The following ABL2 variants were observed in gnomAD, a reference collection of about 807,000 sequenced individuals.
ABL2 encodes the protein tyrosine-protein kinase ABL2.
Under a neutral mutation model 107.7 loss-of-function variants are expected in ABL2, and 49 were observed. The observed-to-expected ratio is 0.45, with a 90% CI of 0.36 to 0.58. The LOEUF (loss-of-function observed/expected upper bound fraction) is 0.58. Ranked by LOEUF, ABL2 falls within the 20% of genes least tolerant of loss-of-function variation. The pLI is 0.00. For synonymous variants in ABL2, 549 were observed against 548.6 expected (o/e 1.00, Z -0.01); for missense variants, 1,245 against 1,457.0 (o/e 0.85, Z 2.37).
intron 1 of ABL2, among the ~76,000 whole-genome samples, chr1:179,198,223 T>C (rs573741798): frequency 6.8e-6 from 1 of 147,568 alleles, no homozygotes; most frequent in African/African-American, 2.5e-5. Flanking sequence ...ACACTCCTAG[T>C]TTAAAAGAGA....
chr1:179,140,522 G>A lies in ABL2; in HGVS notation c.158-7148C>T, dbSNP rs530984199. ...TGTATCTAAGTCTCCTTGCTAAAAT[G>A]TAAGTTTTATGAGGACCAGGATTGT... On this transcript the variant is annotated intron_variant, in intron 1 of 11. Transcript: ENST00000502732. 2.1e-4 allele frequency among the ~76,000 whole-genome samples: 32 copies of A among 152,230 alleles called. No homozygotes were observed. In the South Asian group the frequency reaches 5.8e-3, roughly 28 times the overall value.
At chr1:179,220,334 T>C (rs1298434732) in intron 1 of ABL2, among the ~76,000 whole-genome samples, 1 of 152,220 alleles carries the variant, frequency 6.6e-6, no homozygotes, top group Non-Finnish European at 1.5e-5. Flanking sequence ...TTCCCTATTT[T>C]GAAAGAGACT....
intron 1 of ABL2, among the ~76,000 whole-genome samples, chr1:179,153,113 T>C (rs1353693465): frequency 6.6e-6 from 1 of 151,814 alleles, no homozygotes; most frequent in African/African-American, 2.4e-5. Context: ...ATGAAAAGAG[T>C]GGCAATAATT....
chr1:179,144,295 C>CA (rs1198680465), intron 1 of ABL2, among the ~76,000 whole-genome samples: 3 of 151,662 alleles, frequency 2.0e-5, no homozygotes, highest in Non-Finnish European at 2.9e-5. Flanking sequence ...CCCACCTCTA[C>CA]AAAAAATACA....
chr1:179,115,633 A>G (rs891698087), intron 8 of ABL2, among the ~76,000 whole-genome samples: 1 of 152,082 alleles, frequency 6.6e-6, no homozygotes, highest in African/African-American at 2.4e-5. Flanking sequence ...TCAAAAAAAG[A>G]TTATATATCC....
intron 3 of ABL2, among the ~76,000 whole-genome samples, chr1:179,129,791 A>G (rs773419217): frequency 3.3e-5 from 5 of 152,144 alleles, no homozygotes; most frequent in African/African-American, 1.2e-4. Context: ...AACATGTATC[A>G]TCCTGTCCCC....
In ABL2 at chr1:179,180,557, G is replaced by A. The variant is rs183604769; in HGVS notation, c.158-47183C>T. On this transcript the variant is annotated intron_variant, in intron 1 of 11. Coordinates refer to ENST00000502732, the MANE Select transcript of ABL2 (RefSeq NM_007314.4). ...AGTGGAATAAAAAGGTCCAGTACCA[G>A]TAGCAGGTAGGAAACAGAAAAGTAA... Among the ~76,000 whole-genome samples the A allele has an allele frequency of 1.1e-3, 169 of 152,302 alleles. 1 individual carries two copies. The highest frequency in any genetic ancestry group is 3.9e-3 in the African/African-American group (162 of 41,568).
intron 1 of ABL2, among the ~76,000 whole-genome samples, chr1:179,140,658 G>A (rs186756695): frequency 1.3e-5 from 2 of 152,286 alleles, no homozygotes; most frequent in Admixed American, 6.5e-5. Flanking sequence ...ACTCACAGAG[G>A]ATGCTATGAG....
chr1:179,208,938 GTAA>G (rs1224839938), intron 1 of ABL2, among the ~76,000 whole-genome samples: 1 of 152,178 alleles, frequency 6.6e-6, no homozygotes, highest in Non-Finnish European at 1.5e-5. Context: ...GCTCAATGAT[GTAA>G]TAATACTACC....
chr1:179,201,976 G>A (rs1040512481), intron 1 of ABL2: 67 of 1,091,060 alleles, frequency 6.1e-5, no homozygotes, highest in East Asian at 2.7e-4. Flanking sequence ...TCAGGGGTCC[G>A]AGGAACAGCA....
chr1:179,183,204 G>C (rs994512545), intron 1 of ABL2, among the ~76,000 whole-genome samples: 3 of 152,072 alleles, frequency 2.0e-5, no homozygotes, highest in Admixed American at 2.0e-4. Context: ...ACAGAGTGTA[G>C]AATAGGACAC....
chr1:179,106,070 T>C lies in ABL2; in HGVS notation c.*1648A>G, dbSNP rs1653454030. The C allele has an allele frequency of 4.6e-6, 1 of 217,002 alleles. No individual in the cohort carries two copies. Among genetic ancestry groups the C allele is most frequent in the South Asian group, 1.9e-4 (1 of 5,376 alleles). The allele number at this position is 217,002 out of a possible 1,614,324, so 13.4% of individuals were successfully genotyped here. On this transcript the variant is annotated 3_prime_UTR_variant, in exon 12 of 12. Coordinates refer to ENST00000502732, the MANE Select transcript of ABL2 (RefSeq NM_007314.4). ...CCAGAAGAAAACTCAGTGCTCAATG[T>C]TGAATTCCTATCTTCCTAAGCTAAT...
intron 7 of ABL2, among the ~76,000 whole-genome samples, chr1:179,117,909 A>T (rs536572615): frequency 1.3e-5 from 2 of 151,844 alleles, no homozygotes; most frequent in South Asian, 4.2e-4. Context: ...TCCTGAGCTC[A>T]AGAGTTCAGG....
At chr1:179,138,898 C>T (rs1027882569) in intron 1 of ABL2, among the ~76,000 whole-genome samples, 1 of 152,232 alleles carries the variant, frequency 6.6e-6, no homozygotes, top group Non-Finnish European at 1.5e-5. Flanking sequence ...GCTGGAGTTC[C>T]GGGTGGGCGT....
chr1:179,165,023 T>G (rs1659298121), intron 1 of ABL2, among the ~76,000 whole-genome samples: 1 of 152,166 alleles, frequency 6.6e-6, no homozygotes, highest in African/African-American at 2.4e-5. Context: ...AGAAGTTAGG[T>G]GAATGTGATC....
At chr1:179,229,208 C>CCCCCCCCCCCCCCCCCA in intron 1 of ABL2, 33 bp downstream of exon 1, 4 of 1,488,048 alleles carry the variant, frequency 2.7e-6, no homozygotes, top group East Asian at 2.8e-5. Context: ...CGGCCTCCCC[C>CCCCCCCCCCCCCCCCCA]ACGCTCTCAT....
intron 1 of ABL2, among the ~76,000 whole-genome samples, chr1:179,219,562 G>A (rs1662763735): frequency 6.6e-6 from 1 of 152,190 alleles, no homozygotes; most frequent in Non-Finnish European, 1.5e-5. Flanking sequence ...CAAGTTCTTT[G>A]ATGGAAGAAA....
rs1484790965 is a variant in ABL2, at chr1:179,105,985, T to C, written c.*1733A>G. On this transcript the variant is annotated 3_prime_UTR_variant, in exon 12 of 12. Coordinates refer to ENST00000502732, the MANE Select transcript of ABL2 (RefSeq NM_007314.4). The stretch of plus-strand genomic sequence containing the variant: ...CAACACCCTTGAGAACATGTACTGT[T>C]ACCTTAATTAAATAGATTAAGAGAT... The C allele has an allele frequency of 4.1e-5, 9 of 222,042 alleles. No homozygotes were observed. Among genetic ancestry groups the C allele is most frequent in the Non-Finnish European group, 7.2e-5 (8 of 111,044 alleles). 13.8% of individuals were successfully genotyped at this position (222,042 alleles called of 1,614,324 possible). A position where few individuals can be genotyped will look rare whatever the true frequency, so the allele number is the denominator to read the frequency against.
Position 179,126,571 on chromosome 1 carries a change from C to T in ABL2, c.493G>A (p.Val165Met), listed in dbSNP as rs979331955. The T allele has an allele frequency of 2.7e-5, 43 of 1,614,090 alleles. No homozygotes were observed. The Middle Eastern group carries it at 4.9e-4, about 19-fold the overall frequency. The change falls in exon 4 of 12, where the codon GTG becomes ATG. Residue 165 changes from valine (V) to methionine (M), a missense_variant. Val to Met is a conservative substitution (Grantham distance 21). Around this residue, in one of 3 missense-constraint regions of ABL2, gnomAD observed 320 missense variants for 547.0 expected, o/e 0.59. Coordinates refer to ENST00000502732, the MANE Select transcript of ABL2 (RefSeq NM_007314.4). The surrounding 1 kb of genome is among the most constrained non-coding windows in gnomAD (Gnocchi z 4.4). ...CAGGAGTGTTTTTCCAGGCTGTTCA[C>T]TGGGGTGATGTAGTTGCTTGGCACC... ...GWVPSNYITP[V>M]NSLEKHSWYH...
Sources: allele counts gnomAD v4.1 joint callset (sites outside exome capture counted in the v4.1 genomes callset), GRCh38; gene constraint gnomAD v4.1.1; regional missense constraint gnomAD v4.1.1; non-coding constraint Gnocchi (gnomAD v3.1); transcripts MANE v1.5; gene names NCBI Gene and HGNC (gene_info 2026-07-23, HGNC 2026-07-21).